Variants in HAUS6 observed in about 807,000 individuals in gnomAD.
HAUS6 encodes the protein HAUS augmin-like complex subunit 6.
HAUS6 carries 80 observed loss-of-function variants against 106.8 expected under a neutral mutation model. The observed-to-expected ratio is 0.75, with a 90% CI of 0.63 to 0.90. HAUS6 has a LOEUF of 0.90. Among genes scored for constraint, HAUS6 ranks in the 40% least tolerant of loss-of-function variants. The pLI is 0.00. For missense variants in HAUS6, 1,155 were observed against 1,118.1 expected, an observed-to-expected ratio of 1.03 and a Z score of -0.47; for synonymous variants, 356 against 379.1, an observed-to-expected ratio of 0.94 and a Z score of 0.71.
chr9:19,071,889 A>C (rs1172959125), intron 11 of HAUS6, among the ~76,000 whole-genome samples: 1 of 152,124 alleles, frequency 6.6e-6, no homozygotes, highest in Non-Finnish European at 1.5e-5. Flanking sequence ...CCTTAAAAGC[A>C]ACCAGAAATC....
At chr9:19,082,654 G>C (rs1336106196) in intron 8 of HAUS6, among the ~76,000 whole-genome samples, 2 of 152,022 alleles carry the variant, frequency 1.3e-5, no homozygotes. Context: ...GCTGAGGCAG[G>C]AGAATCTCTT....
intron 9 of HAUS6, 119 bp downstream of exon 9, chr9:19,080,360 G>C (rs1564015024): frequency 9.2e-6 from 6 of 651,310 alleles, no homozygotes; most frequent in Non-Finnish European, 1.6e-5. Flanking sequence ...TAAGATTTTT[G>C]AGTATTAGAA....
chr9:19,062,281 T>A (rs537908816), intron 14 of HAUS6, among the ~76,000 whole-genome samples: 1 of 152,188 alleles, frequency 6.6e-6, no homozygotes, highest in Admixed American at 6.5e-5. Flanking sequence ...GATAATGATA[T>A]GATATTGCAG....
At chr9:19,088,625 T>C (rs1283397643) in intron 5 of HAUS6, among the ~76,000 whole-genome samples, 2 of 151,140 alleles carry the variant, frequency 1.3e-5, no homozygotes, top group African/African-American at 2.4e-5. Flanking sequence ...CCCAGCACTT[T>C]GGGAGGCCAA....
Position 19,054,212 on chromosome 9 carries a change from A to T in HAUS6, c.*2131T>A, listed in dbSNP as rs574940262. 2.0e-5 allele frequency: 3 copies of T among 152,352 alleles called. No individual in the cohort carries two copies. In the East Asian group the frequency reaches 5.8e-4, roughly 29 times the overall value. The allele number at this position is 152,352 out of a possible 1,614,324, so 9.4% of individuals were successfully genotyped here. On this transcript the variant is annotated 3_prime_UTR_variant, in exon 17 of 17. Transcript: ENST00000380502. ...TGCTCACTGAAGCATTTCAGTAAAAAAATGGGAGATTACAGCGGAAGGGGG... is the reference window on the plus strand; with the variant it reads ...TGCTCACTGAAGCATTTCAGTAAAATAATGGGAGATTACAGCGGAAGGGGG...
At chr9:19,056,472 A>G in intron 16 of HAUS6, 68 bp from the exon 17 acceptor site, 1 of 862,158 alleles carries the variant, frequency 1.2e-6, no homozygotes, top group East Asian at 2.4e-5. Context: ...ATTCCAAGCA[A>G]TAGCAAATTT....
chr9:19,079,455 T>C (rs1166799522), intron 9 of HAUS6, among the ~76,000 whole-genome samples: 2 of 151,630 alleles, frequency 1.3e-5, no homozygotes, highest in Non-Finnish European at 2.9e-5. Flanking sequence ...GGTCTTGAAC[T>C]TCTGACCTGA....
At chr9:19,089,247 T>C (rs1817694168) in intron 5 of HAUS6, among the ~76,000 whole-genome samples, 165 bp downstream of exon 5, 1 of 150,610 alleles carries the variant, frequency 6.6e-6, no homozygotes, top group Non-Finnish European at 1.5e-5. Flanking sequence ...CCAGACCCTG[T>C]CTCAGATAGG....
rs143556710 is a variant in HAUS6 at position 19,079,119 on chromosome 9, G to A, written c.1065-817C>T. Among the ~76,000 whole-genome samples the A allele has an allele frequency of 4.4e-3, 644 of 146,402 alleles. 9 individuals are homozygous for A. The highest frequency in any genetic ancestry group is 0.016 in the African/African-American group (619 of 39,908). ...GCAGACGTTGCAGAAAGCCGAGATT[G>A]CGCTATTGTGCTCCAGCCTAGGCAA... is the stretch of plus-strand genomic sequence containing the variant. On this transcript the variant is annotated intron_variant, in intron 9 of 16. Transcript: ENST00000380502.
intron 16 of HAUS6, 60 bp from the exon 17 acceptor site, chr9:19,056,464 T>C: frequency 1.1e-6 from 1 of 905,190 alleles, no homozygotes; most frequent in South Asian, 1.3e-5. Context: ...AACAATAGAT[T>C]CCAAGCAATA....
chr9:19,075,114 G>A (rs913210932), intron 11 of HAUS6, among the ~76,000 whole-genome samples: 4 of 152,204 alleles, frequency 2.6e-5, no homozygotes, highest in African/African-American at 9.6e-5. Flanking sequence ...AAAACGCTAT[G>A]CTAAGTGAAA....
intron 3 of HAUS6, among the ~76,000 whole-genome samples, chr9:19,093,944 G>T (rs1588626959): frequency 1.3e-5 from 2 of 152,220 alleles, no homozygotes; most frequent in African/African-American, 4.8e-5. Context: ...TACATGTTTT[G>T]GTTTTTCTAA....
chr9:19,071,776 TTA>T (rs1229046663), intron 11 of HAUS6, among the ~76,000 whole-genome samples: 1 of 151,900 alleles, frequency 6.6e-6, no homozygotes, highest in Non-Finnish European at 1.5e-5. Context: ...GGGTTTCACT[TTA>T]TTGCCCAGGT....
intron 4 of HAUS6, among the ~76,000 whole-genome samples, chr9:19,092,665 T>C (rs1051625275): frequency 4.2e-5 from 6 of 142,372 alleles, no homozygotes; most frequent in Non-Finnish European, 7.5e-5. Flanking sequence ...GGCTCATACC[T>C]GTAATCCCAA....
At position 19,099,017 on chromosome 9, in the gene HAUS6, CAAAAAAAA is replaced by C. The variant is rs377024544; in HGVS notation, c.129-2256_129-2249del. Among the ~76,000 whole-genome samples the C allele has an allele frequency of 4.4e-3, 403 of 90,670 alleles. 2 individuals carry two copies. Among genetic ancestry groups the C allele is most frequent in the African/African-American group, 0.017 (387 of 23,412 alleles). 59.5% of individuals were successfully genotyped at this position (90,670 alleles called of 152,430 possible). On this transcript the variant is annotated intron_variant, in intron 1 of 16. Coordinates refer to ENST00000380502, the MANE Select transcript of HAUS6 (RefSeq NM_017645.5). The stretch of plus-strand genomic sequence containing the variant: ...GGGCAACAAGAGCAAAACTCCATCT[CAAAAAAAA>C]AAAAAAAAAGAAAAAAAGAAAAGTG...
chr9:19,057,612 T>C (rs974981778), intron 16 of HAUS6: 2 of 285,000 alleles, frequency 7.0e-6, no homozygotes, highest in East Asian at 6.1e-5. Context: ...TACACCATTA[T>C]AGTGATGATA....
chr9:19,097,983 A>T (rs1391500092), intron 1 of HAUS6, among the ~76,000 whole-genome samples: 6 of 152,186 alleles, frequency 3.9e-5, no homozygotes. Context: ...TCCTTAGAAC[A>T]TCTCTACTCT....
chr9:19,079,832 G>T (rs1837099206), intron 9 of HAUS6, among the ~76,000 whole-genome samples: 1 of 151,296 alleles, frequency 6.6e-6, no homozygotes, highest in Non-Finnish European at 1.5e-5. Flanking sequence ...GAACCCGGGA[G>T]ATCACACCAT....
At chr9:19,062,985 T>C (rs542974004) in intron 14 of HAUS6, 23 bp downstream of exon 14, 5 of 1,536,446 alleles carry the variant, frequency 3.3e-6, no homozygotes, top group African/African-American at 2.7e-5. Flanking sequence ...TATTTAAGTA[T>C]ACTCATTACA....
Sources: allele counts gnomAD v4.1 joint callset (sites outside exome capture counted in the v4.1 genomes callset), GRCh38; gene constraint gnomAD v4.1.1; transcripts MANE v1.5; gene names NCBI Gene and HGNC (gene_info 2026-07-23, HGNC 2026-07-21).